Variants in GRIN2B observed in about 807,000 individuals in gnomAD.
GRIN2B encodes the protein glutamate ionotropic receptor NMDA type subunit 2B, also known as glutamate receptor ionotropic, NMDA 2B.
A neutral mutation model predicts 114.5 loss-of-function variants in GRIN2B; 5 were observed. That is an observed-to-expected ratio of 0.04 (90% CI 0.02 to 0.09). The LOEUF is 0.09. Among genes scored for constraint, GRIN2B ranks in the 10% least tolerant of loss-of-function variants. GRIN2B has a pLI of 1.00. For missense variants in GRIN2B, 1,108 were observed against 1,943.5 expected (o/e 0.57, Z 8.08); for synonymous variants, 787 against 745.1 (o/e 1.06, Z -0.92).
Position 13,583,812 on chromosome 12 carries a change from G to A in GRIN2B, c.2011-11848C>T, listed in dbSNP as rs78665716. Among the ~76,000 whole-genome samples, 803 of 152,176 alleles carry A rather than the reference G, an allele frequency of 5.3e-3. 21 individuals are homozygous for A. Among genetic ancestry groups the A allele is most frequent in the East Asian group, 2.7e-3 (14 of 5,160 alleles). ...ACTGACGTTGGGAGGAATGTTTGGC[G>A]CCTAGATAGAAACCATCCCATGGAG... On this transcript the variant is annotated intron_variant, in intron 10 of 13. Coordinates refer to ENST00000609686, the MANE Select transcript of GRIN2B (RefSeq NM_000834.5).
intron 5 of GRIN2B, among the ~76,000 whole-genome samples, chr12:13,666,154 A>C (rs1445964735): frequency 6.6e-5 from 10 of 152,140 alleles, no homozygotes; most frequent in African/African-American, 2.4e-4. Context: ...TTTCCCCTCG[A>C]GGTCCATCAC....
chr12:13,932,794 G>T (rs919278961), intron 2 of GRIN2B, among the ~76,000 whole-genome samples: 1 of 152,202 alleles, frequency 6.6e-6, no homozygotes, highest in Non-Finnish European at 1.5e-5. Flanking sequence ...TCAGGATGAA[G>T]TAGGAAGCAG....
chr12:13,544,099 A>G lies in GRIN2B; in HGVS notation c.*18684T>C, dbSNP rs1257896325. 6.6e-6 allele frequency: 1 copy of G among 152,028 alleles called. No homozygotes were observed. The highest frequency in any genetic ancestry group is 1.5e-5 in the Non-Finnish European group (1 of 68,006). 9.4% of individuals were successfully genotyped at this position (152,028 alleles called of 1,614,324 possible). A position where few individuals can be genotyped will look rare whatever the true frequency, so the allele number is the denominator to read the frequency against. On this transcript the variant is annotated 3_prime_UTR_variant, in exon 14 of 14. Coordinates refer to ENST00000609686, the MANE Select transcript of GRIN2B (RefSeq NM_000834.5). ...CTCCCTGGGCGTCACATTCTCTATG[A>G]TCTGCTATTTCCATGTCCTCTTTAC...
chr12:13,652,180 T>A (rs2216213), intron 5 of GRIN2B, among the ~76,000 whole-genome samples: 1 of 151,706 alleles, frequency 6.6e-6, no homozygotes, highest in Non-Finnish European at 1.5e-5. Context: ...TTTAGCACTT[T>A]GCTAACTCTT....
intron 4 of GRIN2B, among the ~76,000 whole-genome samples, chr12:13,705,585 C>T (rs1041453417): frequency 6.6e-6 from 1 of 152,068 alleles, no homozygotes; most frequent in African/African-American, 2.4e-5. Flanking sequence ...TCACCCATGG[C>T]CCTGTCTAAT....
chr12:13,631,193 G>A (rs1378275306), intron 5 of GRIN2B, among the ~76,000 whole-genome samples: 3 of 152,086 alleles, frequency 2.0e-5, no homozygotes, highest in African/African-American at 7.2e-5. Context: ...AGTATATCTT[G>A]TGCAACTTTT....
rs45515299 is a variant in GRIN2B, at chr12:13,615,090, T to C, written c.1654+24A>G. 9.2e-3 allele frequency: 14,665 copies of C among 1,601,840 alleles called. 111 individuals are homozygous for C. The highest frequency in any genetic ancestry group is 0.013 in the Middle Eastern group (81 of 6,026). On this transcript the variant is annotated intron_variant, in intron 8 of 13. Coordinates refer to ENST00000609686, the MANE Select transcript of GRIN2B (RefSeq NM_000834.5). The surrounding 1 kb of genome is among the most constrained non-coding windows in gnomAD (Gnocchi z 5.8). ...TTCCCCATCCATACGTCCATTTCCT[T>C]CCACCAGCAAACCCATCATTTACCT...
chr12:13,610,710 A>G (rs1030544869), intron 9 of GRIN2B, among the ~76,000 whole-genome samples: 7 of 152,240 alleles, frequency 4.6e-5, no homozygotes, highest in African/African-American at 1.4e-4. Flanking sequence ...CTGAAACCCT[A>G]TACTCAGAGA....
At chr12:13,915,214 A>G (rs1011704278) in intron 2 of GRIN2B, among the ~76,000 whole-genome samples, 7 of 152,320 alleles carry the variant, frequency 4.6e-5, no homozygotes, top group African/African-American at 1.7e-4. Flanking sequence ...GCAGGCCATT[A>G]TCTTATCTTA....
chr12:13,952,890 G>A (rs1298341234), intron 2 of GRIN2B, among the ~76,000 whole-genome samples: 1 of 151,452 alleles, frequency 6.6e-6, no homozygotes, highest in Non-Finnish European at 1.5e-5. Context: ...CTGTAGGGCT[G>A]CATAACAAAC....
chr12:13,570,696 A>G (rs569397751), intron 11 of GRIN2B, among the ~76,000 whole-genome samples: 1 of 152,262 alleles, frequency 6.6e-6, no homozygotes, highest in Non-Finnish European at 1.5e-5. Flanking sequence ...GCAGAAATAC[A>G]TAAAAAAGGG....
intron 3 of GRIN2B, among the ~76,000 whole-genome samples, chr12:13,788,573 G>A (rs1864259526): frequency 6.6e-6 from 1 of 152,166 alleles, no homozygotes; most frequent in Non-Finnish European, 1.5e-5. Flanking sequence ...AAATTAAGTG[G>A]TTTCCTGTTA....
chr12:13,817,014 C>T lies in GRIN2B; in HGVS notation c.411+48784G>A, dbSNP rs149954426. 7.8e-4 allele frequency among the ~76,000 whole-genome samples: 119 copies of T among 152,204 alleles called. 3 individuals carry two copies. In the Middle Eastern group the frequency reaches 0.014, roughly 17 times the overall value. ...CTGCCTGGATGCCAGCATACAAATA[C>T]AAAGGATTCAATTAACTGTTAGAGC... On this transcript the variant is annotated intron_variant, in intron 3 of 13. Coordinates refer to ENST00000609686, the MANE Select transcript of GRIN2B (RefSeq NM_000834.5).
At chr12:13,581,002 C>T (rs767796382) in intron 10 of GRIN2B, among the ~76,000 whole-genome samples, 17 of 152,178 alleles carry the variant, frequency 1.1e-4, no homozygotes, top group Non-Finnish European at 1.9e-4. Context: ...ATCTGTAGGT[C>T]ATTCCTTCTT....
At chr12:13,605,551 TGACACA>T (rs1157264739) in intron 10 of GRIN2B, among the ~76,000 whole-genome samples, 6 of 30,446 alleles carry the variant, frequency 2.0e-4, no homozygotes, top group African/African-American at 5.2e-4. Flanking sequence ...TCTCTCTCTC[TGACACA>T]CACACACACA....
At chr12:13,710,212 A>G (rs1273517218) in intron 4 of GRIN2B, among the ~76,000 whole-genome samples, 1 of 152,082 alleles carries the variant, frequency 6.6e-6, no homozygotes, top group Non-Finnish European at 1.5e-5. Context: ...AGTTCTAGGT[A>G]TTGATGGGAT....
At chr12:13,639,339 G>A (rs11838083) in intron 5 of GRIN2B, among the ~76,000 whole-genome samples, 6,728 of 152,178 alleles carry the variant, frequency 0.044, 435 homozygotes, top group African/African-American at 0.14. Context: ...CAGTGGTAGA[G>A]GCAGTAAAAG....
intron 9 of GRIN2B, chr12:13,610,152 C>T (rs1174017151): frequency 6.6e-6 from 1 of 152,198 alleles, no homozygotes; most frequent in Non-Finnish European, 1.5e-5. Context: ...TAACTGTGCA[C>T]ACACATCTGT....
intron 2 of GRIN2B, among the ~76,000 whole-genome samples, chr12:13,899,040 G>A (rs1256212322): frequency 2.0e-5 from 3 of 152,176 alleles, no homozygotes; most frequent in Non-Finnish European, 4.4e-5. Context: ...CCATTTTACA[G>A]ATGAGAAAAC....
Sources: gnomAD v4.1 joint callset for allele counts (sites outside exome capture counted in the v4.1 genomes callset) on GRCh38, gnomAD v4.1.1 for gene constraint, Gnocchi (gnomAD v3.1) non-coding constraint, MANE v1.5 for transcripts, NCBI Gene and HGNC (gene_info 2026-07-23, HGNC 2026-07-21) for gene names.